Variants in RANBP2 observed in about 807,000 individuals in gnomAD.
RANBP2 encodes the protein E3 SUMO-protein ligase RanBP2.
Under a neutral mutation model 303.6 loss-of-function variants are expected in RANBP2, and 57 were observed. That is an observed-to-expected ratio of 0.19 (90% CI 0.15 to 0.23). The LOEUF is 0.23. RANBP2 is among the 10% of genes least tolerant of loss of function. RANBP2 has a pLI of 1.00. For missense variants in RANBP2, 3,138 were observed against 3,780.8 expected, an observed-to-expected ratio of 0.83 and a Z score of 4.46; for synonymous variants, 1,167 against 1,301.5, an observed-to-expected ratio of 0.90 and a Z score of 2.23.
the RANBP2 span, among the ~76,000 whole-genome samples, chr2:108,917,314 G>A: frequency 3.3e-5 from 5 of 152,160 alleles, no homozygotes; most frequent in African/African-American, 7.2e-5. Context: ...AAGTCCAGCC[G>A]GGCAGGAGGA....
chr2:109,409,004 G>A, the RANBP2 span, among the ~76,000 whole-genome samples: 1 of 152,188 alleles, frequency 6.6e-6, no homozygotes, highest in African/African-American at 2.4e-5. Flanking sequence ...TGAGGCTTGG[G>A]AAGCCCCGGG....
At chr2:108,788,812 T>C, downstream of RANBP2, 7 of 1,612,300 alleles carry the variant, frequency 4.3e-6, no homozygotes, top group South Asian at 1.1e-5. Context: ...TTGTGATATA[T>C]TGTTGTGGTA....
chr2:109,293,834 C>T, the RANBP2 span, among the ~76,000 whole-genome samples: 195 of 152,318 alleles, frequency 1.3e-3, no homozygotes, highest in Admixed American at 2.0e-3. Context: ...TGCTGGGAGC[C>T]GCAGCCCAGG....
At chr2:109,170,219 T>C in the RANBP2 span, among the ~76,000 whole-genome samples, 1 of 148,236 alleles carries the variant, frequency 6.7e-6, no homozygotes, top group Admixed American at 6.7e-5. Flanking sequence ...CTCTCTCTTT[T>C]TTCTCTTCTC....
At chr2:108,755,722 ATTTTG>A (rs1410179066) in intron 17 of RANBP2, among the ~76,000 whole-genome samples, 3 of 150,536 alleles carry the variant, frequency 2.0e-5, no homozygotes, top group Admixed American at 1.3e-4. Context: ...CCTTTACCAT[ATTTTG>A]TTTTGTTTTG....
chr2:108,852,081 A>G, the RANBP2 span, among the ~76,000 whole-genome samples: 2 of 152,160 alleles, frequency 1.3e-5, no homozygotes, highest in Admixed American at 6.5e-5. Context: ...AGCACTTACT[A>G]TGTTATAGGC....
At chr2:109,040,153 G>A in the RANBP2 span, among the ~76,000 whole-genome samples, 5 of 152,056 alleles carry the variant, frequency 3.3e-5, no homozygotes, top group African/African-American at 9.7e-5. Context: ...TGGGGGTCAC[G>A]TTTCACCTCT....
At chr2:109,777,529 CT>C in the RANBP2 span, among the ~76,000 whole-genome samples, 1 of 126,908 alleles carries the variant, frequency 7.9e-6, no homozygotes, top group Non-Finnish European at 1.7e-5. Context: ...TGCCTATTTT[CT>C]TCTTTGATAA....
At chr2:109,112,670 G>A in the RANBP2 span, among the ~76,000 whole-genome samples, 1 of 152,042 alleles carries the variant, frequency 6.6e-6, no homozygotes, top group African/African-American at 2.4e-5. Context: ...GGCTTTTGTT[G>A]CCATTGCTTT....
At chr2:108,953,073 A>G in the RANBP2 span, among the ~76,000 whole-genome samples, 1 of 152,262 alleles carries the variant, frequency 6.6e-6, no homozygotes, top group Non-Finnish European at 1.5e-5. Flanking sequence ...TGCAATGCGT[A>G]ATAACCACAT....
chr2:109,652,870 G>A, the RANBP2 span, among the ~76,000 whole-genome samples: 1 of 152,166 alleles, frequency 6.6e-6, no homozygotes, highest in Non-Finnish European at 1.5e-5. Flanking sequence ...TGTTCAATAA[G>A]TCCCCAGTGT....
At chr2:109,447,147 TAAAAAAAA>T in the RANBP2 span, among the ~76,000 whole-genome samples, 1 of 82,704 alleles carries the variant, frequency 1.2e-5, no homozygotes, top group Non-Finnish European at 2.7e-5. Flanking sequence ...CCTGAATATT[TAAAAAAAA>T]AAAAAAAAAA....
the RANBP2 span, among the ~76,000 whole-genome samples, chr2:108,890,437 G>A: frequency 6.6e-6 from 1 of 152,004 alleles, no homozygotes; most frequent in African/African-American, 2.4e-5. Context: ...TAGAGAAGCG[G>A]TTTTGCCATG....
At chr2:109,591,183 C>G in the RANBP2 span, among the ~76,000 whole-genome samples, 1 of 152,102 alleles carries the variant, frequency 6.6e-6, no homozygotes, top group African/African-American at 2.4e-5. Context: ...AGGCTTCTTC[C>G]TCGTGAAAGT....
the RANBP2 span, among the ~76,000 whole-genome samples, chr2:108,903,857 T>TGGGA: frequency 6.6e-6 from 1 of 152,142 alleles, no homozygotes; most frequent in Non-Finnish European, 1.5e-5. Flanking sequence ...GAAAAAATTG[T>TGGGA]GGGAGCAAAT....
chr2:109,455,692 G>A, the RANBP2 span, among the ~76,000 whole-genome samples: 6 of 152,168 alleles, frequency 3.9e-5, no homozygotes, highest in African/African-American at 1.4e-4. Flanking sequence ...ATTTCCTCTC[G>A]AGTGGAGGCA....
the RANBP2 span, among the ~76,000 whole-genome samples, chr2:109,384,435 CA>C: frequency 5.9e-5 from 9 of 152,044 alleles, no homozygotes; most frequent in East Asian, 1.8e-3. Context: ...GGAGCAGGTC[CA>C]GGGGTGGCCT....
chr2:109,177,241 T>C, the RANBP2 span, among the ~76,000 whole-genome samples: 16 of 152,222 alleles, frequency 1.1e-4, no homozygotes, highest in Admixed American at 1.0e-3. Flanking sequence ...CTGTGCAGGA[T>C]TGTGAAGCAG....
At chr2:108,808,846 G>A in the RANBP2 span, among the ~76,000 whole-genome samples, 38 of 151,904 alleles carry the variant, frequency 2.5e-4, no homozygotes, top group Non-Finnish European at 5.0e-4. Flanking sequence ...GTCTGTTTTT[G>A]CTTTTGTTGC....
Sources: allele counts gnomAD v4.1 joint callset (sites outside exome capture counted in the v4.1 genomes callset), GRCh38; gene constraint gnomAD v4.1.1; transcripts MANE v1.5; gene names NCBI Gene and HGNC (gene_info 2026-07-23, HGNC 2026-07-21).